The following SH3GLB2 variants were observed in gnomAD, a reference collection of about 807,000 sequenced individuals.
SH3GLB2 encodes endophilin-B2.
SH3GLB2 carries 24 observed loss-of-function variants against 48.0 expected under a neutral mutation model. The observed-to-expected ratio is 0.50, with a 90% CI of 0.36 to 0.70. SH3GLB2 has a LOEUF of 0.70. SH3GLB2 is among the 30% of genes least tolerant of loss of function. The pLI is 0.00. For missense variants in SH3GLB2, 425 were observed against 516.0 expected (o/e 0.82, Z 1.71); for synonymous variants, 227 against 207.6 (o/e 1.09, Z -0.80).
At chr9:129,017,593 C>T (rs1843507014) in intron 3 of SH3GLB2, among the ~76,000 whole-genome samples, 1 of 151,872 alleles carries the variant, frequency 6.6e-6, no homozygotes, top group African/African-American at 2.4e-5. Flanking sequence ...GTGAGACCCC[C>T]ATCTCTATTA....
In SH3GLB2 at chr9:129,008,670, A is replaced by T. The variant is rs1323767417; in HGVS notation, c.*14T>A. ...CTGCCTAGGCCAGAATGCGGGGGGG[A>T]TGGGGGCACCTGCCTAGCTGAGCAG... On this transcript the variant is annotated 3_prime_UTR_variant, in exon 11 of 11. Coordinates refer to ENST00000372564, the MANE Select transcript of SH3GLB2 (RefSeq NM_020145.4). The T allele has an allele frequency of 6.2e-7, 1 of 1,603,212 alleles. No individual in the cohort carries two copies. The highest frequency in any genetic ancestry group is 2.2e-5 in the East Asian group (1 of 44,816).
chr9:129,017,450 A>T (rs1470072666), intron 3 of SH3GLB2, among the ~76,000 whole-genome samples: 1 of 152,132 alleles, frequency 6.6e-6, no homozygotes. Flanking sequence ...AGTCTCAATA[A>T]ATTTAAAAGG....
rs773626399 is a variant in SH3GLB2 at position 129,010,668 on chromosome 9, A to G, written c.648+2T>C. The G allele has an allele frequency of 6.2e-7, 1 of 1,613,320 alleles. No individual in the cohort carries two copies. The highest frequency in any genetic ancestry group is 8.5e-7 in the Non-Finnish European group (1 of 1,179,794). On this transcript the variant is annotated splice_donor_variant, in intron 7 of 10. Coordinates refer to ENST00000372564, the MANE Select transcript of SH3GLB2 (RefSeq NM_020145.4). LOFTEE classifies it high-confidence loss of function. ...AGCCCAGCCCCCCAGGCCCCAACTT[A>G]CCTTGTCCACTTCATCATTCCAGAG...
Position 129,014,822 on chromosome 9 carries a change from G to A in SH3GLB2, c.417C>T (p.Ser139=). The A allele has an allele frequency of 6.2e-7, 1 of 1,613,994 alleles. No homozygotes were observed. The part of the protein sequence containing the change: ...ERDFIHTASI[S]FLTPLRNFLE... ...GGAAGTTGCGCAAGGGTGTGAGGAAGCTGATGGAGGCCGTGTGGATAAAAT... is the reference window on the plus strand; with the variant it reads ...GGAAGTTGCGCAAGGGTGTGAGGAAACTGATGGAGGCCGTGTGGATAAAAT... Residue 139 remains serine (S), a synonymous_variant, in exon 4 of 11, where the codon AGC becomes AGT. Transcript: ENST00000372564. This position sits in a 1 kb window ranked among gnomAD's most constrained non-coding sequence, Gnocchi z 4.1.
chr9:129,020,784 G>A (rs528842001), intron 3 of SH3GLB2, among the ~76,000 whole-genome samples: 1 of 151,748 alleles, frequency 6.6e-6, no homozygotes, highest in South Asian at 2.1e-4. Flanking sequence ...GCAGGAGAAC[G>A]GCGGGAACCC....
intron 3 of SH3GLB2, among the ~76,000 whole-genome samples, chr9:129,019,931 C>T (rs975174157): frequency 6.6e-6 from 1 of 151,502 alleles, no homozygotes; most frequent in Non-Finnish European, 1.5e-5. Flanking sequence ...CAGCCGGGTG[C>T]GGTGGCTCAT....
Position 129,009,755 on chromosome 9 carries a change from A to C in SH3GLB2, c.839+16T>G. 3 of 1,605,208 alleles carry C rather than the reference A, an allele frequency of 1.9e-6. No individual in the cohort carries two copies. Among genetic ancestry groups the C allele is most frequent in the Non-Finnish European group, 2.6e-6 (3 of 1,175,604 alleles). The stretch of plus-strand genomic sequence containing the variant: ...GCCAGGGGGCCCCAGTGGGTTCAGC[A>C]GTGCTGGCCCCGCACCTGCCCAGCT... On this transcript the variant is annotated intron_variant, in intron 9 of 10. Coordinates refer to ENST00000372564, the MANE Select transcript of SH3GLB2 (RefSeq NM_020145.4).
At chr9:129,008,963 C>T (rs1274579009) in intron 10 of SH3GLB2, 143 bp downstream of exon 10, 11 of 1,410,224 alleles carry the variant, frequency 7.8e-6, no homozygotes, top group Non-Finnish European at 1.1e-5. Context: ...AGGATCCTTT[C>T]CTCAGAGCTG....
rs1842947590 is a variant in SH3GLB2 at position 129,009,247 on chromosome 9, A to G, written c.939T>C (p.Ser313=). The G allele has an allele frequency of 1.3e-6, 2 of 1,591,860 alleles. No individual in the cohort carries two copies. Among genetic ancestry groups the G allele is most frequent in the Non-Finnish European group, 1.7e-6 (2 of 1,169,254 alleles). Residue 313 remains serine (S), a synonymous_variant, in exon 10 of 11, where the codon TCT becomes TCC. Transcript: ENST00000372564. The part of the protein sequence containing the change: ...TAAATMPVVP[S]VASLAPPGEA... ...CCCCCGGAGGGGCCAGGCTGGCCAC[A>G]GAGGGCACCACAGGCATAGTGGCCG... is the stretch of plus-strand genomic sequence containing the variant.
At chr9:129,010,542 G>C (rs557600676) in intron 7 of SH3GLB2, 128 bp downstream of exon 7, 1 of 1,094,956 alleles carries the variant, frequency 9.1e-7, no homozygotes, top group Non-Finnish European at 1.4e-6. Flanking sequence ...CCCAGGGAGG[G>C]AAAGCAGTAA....
Position 129,010,337 on chromosome 9 carries a change from A to G in SH3GLB2, c.649-128T>C, listed in dbSNP as rs1021885905. On this transcript the variant is annotated intron_variant, in intron 7 of 10. Coordinates refer to ENST00000372564, the MANE Select transcript of SH3GLB2 (RefSeq NM_020145.4). ...GGAACACAGAGAGCCTTCTGGGTCT[A>G]TGCCTGACTTCACACCTGGAGCCCC... The G allele has an allele frequency of 7.8e-6, 6 of 773,526 alleles. No individual in the cohort carries two copies. The African/African-American group carries it at 8.7e-5, about 11-fold the overall frequency. The allele number at this position is 773,526 out of a possible 1,614,324, so 47.9% of individuals were successfully genotyped here.
At chr9:129,023,689 C>T (rs1009161096) in intron 1 of SH3GLB2, among the ~76,000 whole-genome samples, 5 of 151,776 alleles carry the variant, frequency 3.3e-5, no homozygotes, top group Admixed American at 1.3e-4. Flanking sequence ...TGGGGGGTGG[C>T]GGGCTGGGCG....
chr9:129,021,428 A>C (rs1312193047), intron 2 of SH3GLB2, among the ~76,000 whole-genome samples: 1 of 152,156 alleles, frequency 6.6e-6, no homozygotes, highest in East Asian at 1.9e-4. Flanking sequence ...CTTCTCCCTT[A>C]TTAATATGAT....
At position 129,008,985 on chromosome 9, in the gene SH3GLB2, T is replaced by C. The variant is rs111671154; in HGVS notation, c.1080+121A>G. ...TTTCCTCAGAGCTGGATATGCCCTCTTTAACCTGCTGGTCCCCACTTTGCC... is the reference window on the plus strand; with the variant it reads ...TTTCCTCAGAGCTGGATATGCCCTCCTTAACCTGCTGGTCCCCACTTTGCC... On this transcript the variant is annotated intron_variant, in intron 10 of 10. Coordinates refer to ENST00000372564, the MANE Select transcript of SH3GLB2 (RefSeq NM_020145.4). 3.3e-5 allele frequency: 49 copies of C among 1,507,050 alleles called. 1 individual carries two copies. Among genetic ancestry groups the C allele is most frequent in the African/African-American group, 2.9e-4 (21 of 73,112 alleles). 93.4% of individuals were successfully genotyped at this position (1,507,050 alleles called of 1,614,324 possible). A position where few individuals can be genotyped will look rare whatever the true frequency, so the allele number is the denominator to read the frequency against.
rs577670092 is a variant in SH3GLB2, at chr9:129,018,590, A to G, written c.334+2501T>C. Among the ~76,000 whole-genome samples the G allele has an allele frequency of 3.5e-5, 5 of 144,214 alleles. No homozygotes were observed. In the South Asian group the frequency reaches 6.6e-4, roughly 19 times the overall value. 94.6% of individuals were successfully genotyped at this position (144,214 alleles called of 152,430 possible). A position where few individuals can be genotyped will look rare whatever the true frequency, so the allele number is the denominator to read the frequency against. The stretch of plus-strand genomic sequence containing the variant: ...AGACTCCGTCTCAAAAAAAAAAAAA[A>G]GAGTTAAGTTAAATTTACCTGAGGC... On this transcript the variant is annotated intron_variant, in intron 3 of 10. Coordinates refer to ENST00000372564, the MANE Select transcript of SH3GLB2 (RefSeq NM_020145.4).
rs760967435 is a variant in SH3GLB2, at chr9:129,010,113, G to A, written c.738+7C>T. On this transcript the variant is annotated splice_region_variant and intron_variant, in intron 8 of 10. Coordinates refer to ENST00000372564, the MANE Select transcript of SH3GLB2 (RefSeq NM_020145.4). ...TAGGTTTAGTGAGGGTGGGCAGTGG[G>A]ACTCACGTGAGTGCTACTGATTCCC... is the stretch of plus-strand genomic sequence containing the variant. 6.2e-7 allele frequency: 1 copy of A among 1,612,204 alleles called. No homozygotes were observed. Among genetic ancestry groups the A allele is most frequent in the African/African-American group, 1.3e-5 (1 of 74,852 alleles).
In SH3GLB2 at chr9:129,008,800, A is replaced by T; in HGVS notation, c.1081-9T>A. 1 of 1,613,016 alleles carries T rather than the reference A, an allele frequency of 6.2e-7. No individual in the cohort carries two copies. Among genetic ancestry groups the T allele is most frequent in the Non-Finnish European group, 8.5e-7 (1 of 1,179,244 alleles). On this transcript the variant is annotated splice_polypyrimidine_tract_variant and intron_variant, in intron 10 of 10. Coordinates refer to ENST00000372564, the MANE Select transcript of SH3GLB2 (RefSeq NM_020145.4). ...CTGTAGACAGTGATGAGCTGCAGAG[A>T]TGGCAGTAGAGGACGGTCATGGCCT...
At position 129,011,319 on chromosome 9, in the gene SH3GLB2, C is replaced by T. The variant is rs1843107253; in HGVS notation, c.625-626G>A. ...AACAGCCTGAAATAGGGAATGCGGA[C>T]CCAGGCCAGTGTGCGTGGCCGGCCC... On this transcript the variant is annotated intron_variant, in intron 6 of 10. Coordinates refer to ENST00000372564, the MANE Select transcript of SH3GLB2 (RefSeq NM_020145.4). The surrounding 1 kb of genome is among the most constrained non-coding windows in gnomAD (Gnocchi z 4.5). The T allele has an allele frequency of 6.6e-6, 1 of 152,432 alleles. No homozygotes were observed. The allele number at this position is 152,432 out of a possible 1,614,324, so 9.4% of individuals were successfully genotyped here.
At position 129,014,282 on chromosome 9, in the gene SH3GLB2, C is replaced by A; in HGVS notation, c.561+129G>T. 7 of 874,840 alleles carry A rather than the reference C, an allele frequency of 8.0e-6. No individual in the cohort carries two copies. Among genetic ancestry groups the A allele is most frequent in the Non-Finnish European group, 1.2e-5 (7 of 563,520 alleles). 54.2% of individuals were successfully genotyped at this position (874,840 alleles called of 1,614,324 possible). A position where few individuals can be genotyped will look rare whatever the true frequency, so the allele number is the denominator to read the frequency against. The stretch of plus-strand genomic sequence containing the variant: ...ACAGAGAGGCTCAGCCCAGCAGCCC[C>A]CAGCCAGGCATCTCCAGCCAGGGAG... On this transcript the variant is annotated intron_variant, in intron 5 of 10. Coordinates refer to ENST00000372564, the MANE Select transcript of SH3GLB2 (RefSeq NM_020145.4). The surrounding 1 kb of genome is among the most constrained non-coding windows in gnomAD (Gnocchi z 4.1).
Sources: gnomAD v4.1 joint callset for allele counts (sites outside exome capture counted in the v4.1 genomes callset) on GRCh38, gnomAD v4.1.1 for gene constraint, Gnocchi (gnomAD v3.1) non-coding constraint, MANE v1.5 for transcripts, NCBI Gene and HGNC (gene_info 2026-07-23, HGNC 2026-07-21) for gene names.